The following CAMK2D variants were observed in gnomAD, a reference collection of about 807,000 sequenced individuals.
CAMK2D encodes calcium/calmodulin-dependent protein kinase type II subunit delta.
Under a neutral mutation model 84.0 loss-of-function variants are expected in CAMK2D, and 37 were observed. The observed-to-expected ratio is 0.44, with a 90% confidence interval of 0.34 to 0.58. The LOEUF (loss-of-function observed/expected upper bound fraction) is 0.58. Ranked by LOEUF, CAMK2D falls within the 20% of genes least tolerant of loss-of-function variation. The pLI, the probability that CAMK2D is intolerant of heterozygous loss-of-function variation, is 0.02. For synonymous variants in CAMK2D, 202 were observed against 212.5 expected (o/e 0.95, Z 0.43); for missense variants, 448 against 652.5 (o/e 0.69, Z 3.41).
At chr4:113,506,173 TG>T (rs2098125168) in intron 13 of CAMK2D, among the ~76,000 whole-genome samples, 2 of 152,180 alleles carry the variant, frequency 1.3e-5, no homozygotes, top group African/African-American at 4.8e-5. Context: ...CCAGTTTAAT[TG>T]TTCGGGTTTT....
intron 2 of CAMK2D, among the ~76,000 whole-genome samples, chr4:113,758,816 C>A (rs1309105142): frequency 6.6e-6 from 1 of 152,168 alleles, no homozygotes; most frequent in Non-Finnish European, 1.5e-5. Context: ...TAAAACTAAA[C>A]TTCCTAGAAT....
At position 113,515,204 on chromosome 4, in the gene CAMK2D, A is replaced by G; in HGVS notation, c.697-13T>C. On this transcript the variant is annotated splice_polypyrimidine_tract_variant and intron_variant, in intron 9 of 20. Coordinates refer to ENST00000511664, the MANE Select transcript of CAMK2D (RefSeq NM_001321571.2). ...CTGGTGATGGAAACTTCAAAAATAT[A>G]AATTTATAAAAAGTTTAAAAAATAG... 6.4e-7 allele frequency: 1 copy of G among 1,573,054 alleles called. No homozygotes were observed. Among genetic ancestry groups the G allele is most frequent in the South Asian group, 1.2e-5 (1 of 84,036 alleles).
At chr4:113,505,478 T>A (rs2098116871) in intron 13 of CAMK2D, among the ~76,000 whole-genome samples, 1 of 152,194 alleles carries the variant, frequency 6.6e-6, no homozygotes, top group South Asian at 2.1e-4. Flanking sequence ...TCTCTGGGGA[T>A]CCAGCATTAC....
intron 3 of CAMK2D, among the ~76,000 whole-genome samples, chr4:113,643,217 A>G (rs2099139093): frequency 6.7e-6 from 1 of 149,598 alleles, no homozygotes; most frequent in African/African-American, 2.6e-5. Context: ...AAAGTATTAT[A>G]TTTCAATAGA....
chr4:113,463,379 ATTTG>A (rs2097416340), intron 17 of CAMK2D, among the ~76,000 whole-genome samples: 1 of 151,776 alleles, frequency 6.6e-6, no homozygotes, highest in East Asian at 1.9e-4. Context: ...TTATTTATTT[ATTTG>A]TTTATTTTTT....
At chr4:113,461,895 C>G (rs111894078) in intron 17 of CAMK2D, among the ~76,000 whole-genome samples, 2 of 152,062 alleles carry the variant, frequency 1.3e-5, no homozygotes, top group African/African-American at 4.8e-5. Flanking sequence ...AACGTGGAAC[C>G]GGTGTTATTT....
intron 16 of CAMK2D, among the ~76,000 whole-genome samples, chr4:113,472,651 T>C (rs1347364998): frequency 6.6e-6 from 1 of 152,214 alleles, no homozygotes; most frequent in Non-Finnish European, 1.5e-5. Flanking sequence ...CAATGAAACT[T>C]GGACCACAAA....
intron 2 of CAMK2D, among the ~76,000 whole-genome samples, chr4:113,757,730 C>T (rs2099631694): frequency 1.3e-5 from 2 of 152,216 alleles, no homozygotes; most frequent in South Asian, 4.1e-4. Flanking sequence ...TAAGGAAACA[C>T]TGGTGGAGTA....
At chr4:113,509,585 A>G in intron 13 of CAMK2D, 53 bp downstream of exon 13, 1 of 1,117,352 alleles carries the variant, frequency 8.9e-7, no homozygotes, top group Non-Finnish European at 1.4e-6. Context: ...ACATTTAAAG[A>G]TTATCCAGCA....
intron 13 of CAMK2D, among the ~76,000 whole-genome samples, chr4:113,507,716 G>A (rs2098148639): frequency 6.6e-6 from 1 of 152,044 alleles, no homozygotes; most frequent in Non-Finnish European, 1.5e-5. Context: ...TTACTCTTAT[G>A]AGGCATGGGC....
At chr4:113,587,255 G>A (rs2098838175) in intron 4 of CAMK2D, among the ~76,000 whole-genome samples, 1 of 152,162 alleles carries the variant, frequency 6.6e-6, no homozygotes, top group South Asian at 2.1e-4. Context: ...AGTTTGAGAA[G>A]GAGGAGTTCA....
At chr4:113,651,404 T>C (rs957589547) in intron 3 of CAMK2D, among the ~76,000 whole-genome samples, 46 of 152,292 alleles carry the variant, frequency 3.0e-4, no homozygotes, top group Non-Finnish European at 1.5e-5. Flanking sequence ...AATAAGAATA[T>C]GAAGCTACCT....
chr4:113,508,308 AT>A, intron 13 of CAMK2D: 1 of 1,418,580 alleles, frequency 7.0e-7, no homozygotes, highest in Non-Finnish European at 9.8e-7. Flanking sequence ...AGAAAAAAAA[AT>A]ATGACCGGTT....
intron 4 of CAMK2D, among the ~76,000 whole-genome samples, chr4:113,608,721 C>G (rs528406804): frequency 6.6e-6 from 1 of 152,256 alleles, no homozygotes; most frequent in South Asian, 2.1e-4. Flanking sequence ...GCTGACAGCG[C>G]CTCACTTTAA....
Position 113,607,308 on chromosome 4 carries a change from G to A in CAMK2D, c.275+1844C>T, listed in dbSNP as rs540759826. On this transcript the variant is annotated intron_variant, in intron 4 of 20. Coordinates refer to ENST00000511664, the MANE Select transcript of CAMK2D (RefSeq NM_001321571.2). ...AGCAAGACATGGATGAACTGGGACT[G>A]TGGAGAGGAGCCTGTGCAGTAGGAT... Among the ~76,000 whole-genome samples, 3 of 152,338 alleles carry A rather than the reference G, an allele frequency of 2.0e-5. No homozygotes were observed. In the South Asian group the frequency reaches 6.2e-4, roughly 32 times the overall value.
At chr4:113,621,436 T>C (rs1392572788) in intron 3 of CAMK2D, among the ~76,000 whole-genome samples, 1 of 152,206 alleles carries the variant, frequency 6.6e-6, no homozygotes, top group Non-Finnish European at 1.5e-5. Context: ...CAAACTATTT[T>C]GTCAAACTGT....
chr4:113,714,218 T>C (rs553069234), intron 2 of CAMK2D, among the ~76,000 whole-genome samples: 6 of 152,194 alleles, frequency 3.9e-5, no homozygotes, highest in African/African-American at 1.2e-4. Context: ...TTCCCACATA[T>C]GTGGATCCAT....
chr4:113,733,615 CCTTT>C (rs1371615147), intron 2 of CAMK2D, among the ~76,000 whole-genome samples: 1 of 152,072 alleles, frequency 6.6e-6, no homozygotes, highest in Non-Finnish European at 1.5e-5. Context: ...AATTAATTTG[CCTTT>C]CTATTGATGC....
intron 4 of CAMK2D, among the ~76,000 whole-genome samples, chr4:113,601,417 T>C (rs1591764269): frequency 6.6e-6 from 1 of 152,054 alleles, no homozygotes; most frequent in South Asian, 2.1e-4. Flanking sequence ...GATCCGGATA[T>C]GCCCTTTCAT....
Sources: allele counts gnomAD v4.1 joint callset (sites outside exome capture counted in the v4.1 genomes callset), GRCh38; gene constraint gnomAD v4.1.1; transcripts MANE v1.5; gene names NCBI Gene and HGNC (gene_info 2026-07-23, HGNC 2026-07-21).